The following PSMD14 variants were observed in gnomAD, a reference collection of about 807,000 sequenced individuals.
The protein encoded by PSMD14 is ubiquitin C-terminal hydrolase PSMD14.
Under a neutral mutation model 41.2 loss-of-function variants are expected in PSMD14, and 7 were observed. The ratio of observed to expected loss-of-function variants is 0.17; its 90% CI spans 0.10 to 0.32. PSMD14 has a LOEUF of 0.32. Ranked by LOEUF, PSMD14 falls within the 10% of genes least tolerant of loss-of-function variation. PSMD14 has a pLI of 1.00. For missense variants in PSMD14, 139 were observed against 375.6 expected (o/e 0.37, Z 5.21); for synonymous variants, 114 against 122.3 (o/e 0.93, Z 0.45).
intron 3 of PSMD14, among the ~76,000 whole-genome samples, chr2:161,350,106 T>C (rs572650876): frequency 6.6e-6 from 1 of 152,348 alleles, no homozygotes; most frequent in East Asian, 1.9e-4. Flanking sequence ...TGTTTAGTAA[T>C]ATAAAGTTGC....
intron 3 of PSMD14, among the ~76,000 whole-genome samples, chr2:161,324,293 T>A (rs1682660273): frequency 6.6e-6 from 1 of 152,214 alleles, no homozygotes; most frequent in African/African-American, 2.4e-5. Flanking sequence ...TTTAAGTGCC[T>A]AGTACACATT....
At chr2:161,395,866 G>A (rs1683786511) in intron 10 of PSMD14, among the ~76,000 whole-genome samples, 1 of 152,060 alleles carries the variant, frequency 6.6e-6, no homozygotes, top group Non-Finnish European at 1.5e-5. Flanking sequence ...AAATAACCAG[G>A]GCATTAGTTA....
chr2:161,395,008 T>A, intron 9 of PSMD14, 70 bp from the exon 10 acceptor site: 2 of 1,362,250 alleles, frequency 1.5e-6, no homozygotes, highest in Non-Finnish European at 2.0e-6. Flanking sequence ...TTTTGAAGTT[T>A]TTTTTCTCTA....
intron 7 of PSMD14, among the ~76,000 whole-genome samples, chr2:161,379,441 A>G (rs1250296775): frequency 6.6e-6 from 1 of 152,006 alleles, no homozygotes; most frequent in Non-Finnish European, 1.5e-5. Flanking sequence ...ACAACTATAC[A>G]CTTTCTTATT....
At chr2:161,369,749 A>G (rs1256031020) in intron 5 of PSMD14, among the ~76,000 whole-genome samples, 2 of 152,068 alleles carry the variant, frequency 1.3e-5, no homozygotes, top group African/African-American at 4.8e-5. Context: ...GATGAGGCTC[A>G]TTTTAGTCAT....
At chr2:161,396,433 G>T (rs1175786272) in intron 10 of PSMD14, among the ~76,000 whole-genome samples, 2 of 151,992 alleles carry the variant, frequency 1.3e-5, no homozygotes, top group African/African-American at 4.8e-5. Flanking sequence ...TACATACAAT[G>T]GAATACTATT....
chr2:161,364,678 T>C (rs1447378712), intron 3 of PSMD14, among the ~76,000 whole-genome samples: 1 of 152,216 alleles, frequency 6.6e-6, no homozygotes, highest in Non-Finnish European at 1.5e-5. Flanking sequence ...AGGTCTTTAG[T>C]ATCTGTCCCA....
intron 3 of PSMD14, among the ~76,000 whole-genome samples, chr2:161,364,640 AAAC>A (rs769391887): frequency 2.0e-5 from 3 of 152,220 alleles, no homozygotes; most frequent in Non-Finnish European, 4.4e-5. Context: ...GCATGTAGGA[AAAC>A]AACAGCCTTA....
chr2:161,314,671 T>A lies in PSMD14; in HGVS notation c.-137-1766T>A, dbSNP rs375132479. On this transcript the variant is annotated intron_variant, in intron 1 of 11. Transcript: ENST00000409682. Reference sequence around the variant, plus strand: ...TTTGTGCCTGGCTTCTTTTACATAGTGTGATGTTTTGAGGTTCAGCTAACT... The same window carrying A: ...TTTGTGCCTGGCTTCTTTTACATAGAGTGATGTTTTGAGGTTCAGCTAACT... Among the ~76,000 whole-genome samples the A allele has an allele frequency of 3.3e-5, 5 of 152,336 alleles. No individual in the cohort carries two copies. The East Asian group carries it at 7.7e-4, about 23-fold the overall frequency.
At chr2:161,396,600 G>A (rs1348083066) in intron 10 of PSMD14, among the ~76,000 whole-genome samples, 3 of 152,078 alleles carry the variant, frequency 2.0e-5, no homozygotes, top group Non-Finnish European at 4.4e-5. Context: ...GAAGTAGAGA[G>A]TAGAATTGTG....
chr2:161,348,844 T>C (rs1174662619), intron 3 of PSMD14, among the ~76,000 whole-genome samples: 2 of 152,224 alleles, frequency 1.3e-5, no homozygotes, highest in Non-Finnish European at 2.9e-5. Context: ...TATTGTATTA[T>C]TCATTAGACC....
rs1339841528 is a variant in PSMD14, at chr2:161,318,891, T to G, written c.48+18T>G. ...TGGGCCAGGTTAGTATATAGTCTCTTGAGCATTTCCTTGTGTGTAAACTAC... is the reference window on the plus strand; with the variant it reads ...TGGGCCAGGTTAGTATATAGTCTCTGGAGCATTTCCTTGTGTGTAAACTAC... On this transcript the variant is annotated intron_variant, in intron 3 of 11. Coordinates refer to ENST00000409682, the MANE Select transcript of PSMD14 (RefSeq NM_005805.6). 1 of 1,603,510 alleles carries G rather than the reference T, an allele frequency of 6.2e-7. No homozygotes were observed. The highest frequency in any genetic ancestry group is 8.5e-7 in the Non-Finnish European group (1 of 1,172,448).
chr2:161,379,290 T>G (rs1034142181), intron 7 of PSMD14, among the ~76,000 whole-genome samples: 1 of 152,136 alleles, frequency 6.6e-6, no homozygotes, highest in East Asian at 1.9e-4. Flanking sequence ...TTGTAGCTTA[T>G]TAGTAGTGCC....
intron 2 of PSMD14, among the ~76,000 whole-genome samples, chr2:161,318,247 T>C (rs1689167146): frequency 6.6e-6 from 1 of 152,216 alleles, no homozygotes; most frequent in Non-Finnish European, 1.5e-5. Flanking sequence ...ATGTTTATGC[T>C]ATAGTATTTC....
At chr2:161,352,244 A>C (rs767240057) in intron 3 of PSMD14, among the ~76,000 whole-genome samples, 2 of 152,126 alleles carry the variant, frequency 1.3e-5, no homozygotes, top group Non-Finnish European at 2.9e-5. Context: ...GGAGCTAAAT[A>C]AAAAAAGATT....
At chr2:161,317,206 T>A (rs905305434) in intron 2 of PSMD14, among the ~76,000 whole-genome samples, 2 of 152,088 alleles carry the variant, frequency 1.3e-5, no homozygotes. Flanking sequence ...TTTCAATGAG[T>A]ATTTGATGGA....
intron 8 of PSMD14, among the ~76,000 whole-genome samples, chr2:161,390,698 G>A (rs1046710669): frequency 6.6e-6 from 1 of 152,132 alleles, no homozygotes; most frequent in Non-Finnish European, 1.5e-5. Context: ...CCAGATTAAT[G>A]TGGGTAAAGA....
chr2:161,400,859 GA>G (rs1368128799), intron 10 of PSMD14, among the ~76,000 whole-genome samples: 1,678 of 140,980 alleles, frequency 0.012, 41 homozygotes, highest in African/African-American at 0.042. Flanking sequence ...CAGAAATATT[GA>G]AAAAAAAAAA....
chr2:161,403,475 C>T (rs1683909023), intron 10 of PSMD14, among the ~76,000 whole-genome samples: 1 of 152,088 alleles, frequency 6.6e-6, no homozygotes, highest in Non-Finnish European at 1.5e-5. Flanking sequence ...GTGATTGGGG[C>T]ACTAAATGTG....
Sources: allele counts gnomAD v4.1 joint callset (sites outside exome capture counted in the v4.1 genomes callset), GRCh38; gene constraint gnomAD v4.1.1; transcripts MANE v1.5; gene names NCBI Gene and HGNC (gene_info 2026-07-23, HGNC 2026-07-21).